DTNB: variants seen among roughly 807,000 people sequenced by gnomAD.
The protein encoded by DTNB is DTN-B.
Under a neutral mutation model 90.7 loss-of-function variants are expected in DTNB, and 63 were observed. That is an observed-to-expected ratio of 0.69 (90% confidence interval 0.57 to 0.86). The LOEUF (loss-of-function observed/expected upper bound fraction) is 0.86, where lower values mean the gene tolerates loss of function less well. Among genes scored for constraint, DTNB ranks in the 40% least tolerant of loss-of-function variants. The pLI, the probability that DTNB is intolerant of heterozygous loss-of-function variation, is 0.00. For synonymous variants in DTNB, 277 were observed against 286.7 expected (o/e 0.97, Z 0.34); for missense variants, 744 against 807.1 (o/e 0.92, Z 0.95).
At chr2:25,451,453 G>A (rs2059270048) in intron 12 of DTNB, 95 bp downstream of exon 12, 1 of 1,318,484 alleles carries the variant, frequency 7.6e-7, no homozygotes, top group East Asian at 2.7e-5. Context: ...CGAGGTACCT[G>A]TTCTCCTAAA....
chr2:25,456,066 C>T (rs79890247), intron 10 of DTNB, among the ~76,000 whole-genome samples: 28,901 of 152,190 alleles, frequency 0.19, 3,492 homozygotes, highest in Non-Finnish European at 0.27. Context: ...TATAAGGCAA[C>T]ACTATATACT....
At chr2:25,440,885 G>C (rs114015367) in intron 12 of DTNB, among the ~76,000 whole-genome samples, 1 of 152,208 alleles carries the variant, frequency 6.6e-6, no homozygotes, top group African/African-American at 2.4e-5. Context: ...TTTTAAGCCA[G>C]CTTTTGATTG....
chr2:25,532,323 TA>T (rs2078392778), intron 8 of DTNB, among the ~76,000 whole-genome samples: 1 of 151,862 alleles, frequency 6.6e-6, no homozygotes, highest in Admixed American at 6.6e-5. Flanking sequence ...TTATGGATGT[TA>T]GCAAATTAGC....
intron 9 of DTNB, among the ~76,000 whole-genome samples, chr2:25,505,193 C>A (rs1160900793): frequency 1.3e-5 from 2 of 152,190 alleles, no homozygotes; most frequent in African/African-American, 4.8e-5. Context: ...TCACTCCACA[C>A]CCCACCTGTC....
In DTNB at chr2:25,424,412, A is replaced by T. The variant is rs2050808240; in HGVS notation, c.1554+3123T>A. Among the ~76,000 whole-genome samples, 4 of 152,164 alleles carry T rather than the reference A, an allele frequency of 2.6e-5. No homozygotes were observed. The South Asian group carries it at 8.3e-4, about 32-fold the overall frequency. On this transcript the variant is annotated intron_variant, in intron 15 of 20. Coordinates refer to ENST00000406818, the MANE Select transcript of DTNB (RefSeq NM_021907.5). The surrounding 1 kb of genome is among the most constrained non-coding windows in gnomAD (Gnocchi z 4.1). ...CCTTGAATACAAGCATCAGCGGTACACTAGAAGGCCACAGTGGCATGCATG... is the reference window on the plus strand; with the variant it reads ...CCTTGAATACAAGCATCAGCGGTACTCTAGAAGGCCACAGTGGCATGCATG...
chr2:25,604,868 G>C (rs1215452184), intron 5 of DTNB, among the ~76,000 whole-genome samples: 2 of 152,160 alleles, frequency 1.3e-5, no homozygotes, highest in Non-Finnish European at 2.9e-5. Flanking sequence ...TTACAGGCGG[G>C]AGCCACTGCA....
intron 9 of DTNB, among the ~76,000 whole-genome samples, chr2:25,488,741 C>T (rs2066726098): frequency 6.6e-6 from 1 of 152,228 alleles, no homozygotes; most frequent in Non-Finnish European, 1.5e-5. Flanking sequence ...TAACCTCCAC[C>T]TCCCAGGTTC....
chr2:25,620,853 T>C (rs1021678282), intron 4 of DTNB, among the ~76,000 whole-genome samples: 5 of 152,170 alleles, frequency 3.3e-5, no homozygotes, highest in African/African-American at 1.2e-4. Context: ...GAAACAGCTC[T>C]GAAATTTTAA....
intron 7 of DTNB, among the ~76,000 whole-genome samples, chr2:25,578,869 C>CA (rs1005695652): frequency 2.7e-5 from 4 of 147,842 alleles, no homozygotes; most frequent in East Asian, 3.9e-4. Flanking sequence ...GAGCCCAAAC[C>CA]AAAAAAAAAC....
At chr2:25,518,994 C>A (rs921803368) in intron 9 of DTNB, among the ~76,000 whole-genome samples, 1 of 152,138 alleles carries the variant, frequency 6.6e-6, no homozygotes, top group Admixed American at 6.6e-5. Flanking sequence ...ACCAAAAAGA[C>A]AAATTGAATA....
At chr2:25,462,122 G>T (rs920402651) in intron 10 of DTNB, among the ~76,000 whole-genome samples, 11 of 152,168 alleles carry the variant, frequency 7.2e-5, no homozygotes, top group African/African-American at 2.7e-4. Context: ...ATCAATCGGG[G>T]AACGCAGCCT....
chr2:25,546,139 C>T (rs923265768), intron 8 of DTNB, among the ~76,000 whole-genome samples: 2 of 152,292 alleles, frequency 1.3e-5, no homozygotes, highest in South Asian at 2.1e-4. Context: ...TGACTTGCAT[C>T]AACCAATCAG....
At chr2:25,585,855 A>C (rs1223391046) in intron 6 of DTNB, among the ~76,000 whole-genome samples, 1 of 152,240 alleles carries the variant, frequency 6.6e-6, no homozygotes, top group Non-Finnish European at 1.5e-5. Context: ...AATCAGAGTT[A>C]CAGAGTTGTT....
At chr2:25,414,802 T>A (rs1483151055) in intron 16 of DTNB, among the ~76,000 whole-genome samples, 1 of 152,066 alleles carries the variant, frequency 6.6e-6, no homozygotes, top group Non-Finnish European at 1.5e-5. Flanking sequence ...GATGTAATAG[T>A]GAAAAAGGCA....
chr2:25,455,607 C>T (rs1439296708), intron 10 of DTNB, 113 bp from the exon 11 acceptor site: 3 of 874,238 alleles, frequency 3.4e-6, no homozygotes, highest in African/African-American at 1.7e-5. Context: ...AATAATAAAT[C>T]ATGATAAGGA....
intron 9 of DTNB, among the ~76,000 whole-genome samples, chr2:25,515,446 T>C (rs1450127556): frequency 1.3e-5 from 2 of 152,282 alleles, no homozygotes; most frequent in East Asian, 3.9e-4. Flanking sequence ...CATAGGTCAA[T>C]GGGACAGAAT....
At chr2:25,625,905 G>A (rs898041377) in intron 4 of DTNB, among the ~76,000 whole-genome samples, 1 of 152,168 alleles carries the variant, frequency 6.6e-6, no homozygotes, top group Non-Finnish European at 1.5e-5. Flanking sequence ...AACGGGATTA[G>A]TGCCCTTATA....
intron 1 of DTNB, among the ~76,000 whole-genome samples, chr2:25,670,616 T>A (rs2085608208): frequency 6.6e-6 from 1 of 152,152 alleles, no homozygotes; most frequent in Admixed American, 6.5e-5. Context: ...GCACAAGGAC[T>A]CCAATGTGAA....
intron 12 of DTNB, 113 bp from the exon 13 acceptor site, chr2:25,434,108 A>C: frequency 1.1e-6 from 1 of 948,358 alleles, no homozygotes. Flanking sequence ...ACATATCATA[A>C]ATCCACCCGT....
Sources: allele counts gnomAD v4.1 joint callset (sites outside exome capture counted in the v4.1 genomes callset), GRCh38; gene constraint gnomAD v4.1.1; non-coding constraint Gnocchi (gnomAD v3.1); transcripts MANE v1.5; gene names NCBI Gene and HGNC (gene_info 2026-07-23, HGNC 2026-07-21).